The following ICE1 variants were observed in gnomAD, a reference collection of about 807,000 sequenced individuals.
ICE1 encodes the protein little elongation complex subunit 1.
Under a neutral mutation model 192.7 loss-of-function variants are expected in ICE1, and 64 were observed. The ratio of observed to expected loss-of-function variants is 0.33; its 90% confidence interval spans 0.27 to 0.41. The LOEUF is 0.41. Ranked by LOEUF, ICE1 falls within the 10% of genes least tolerant of loss-of-function variation. The pLI is 1.00. For synonymous variants in ICE1, 1,010 were observed against 984.5 expected (o/e 1.03, Z -0.49); for missense variants, 2,708 against 2,696.0 (o/e 1.00, Z -0.10).
chr5:5,434,272 C>T (rs189561670), intron 1 of ICE1, among the ~76,000 whole-genome samples: 3 of 152,216 alleles, frequency 2.0e-5, no homozygotes, highest in Admixed American at 6.5e-5. Context: ...ACAAAGACAC[C>T]TGTTATTACC....
At position 5,468,694 on chromosome 5, in the gene ICE1, C is replaced by T. The variant is rs941665934; in HGVS notation, c.6062-134C>T. On this transcript the variant is annotated intron_variant, in intron 14 of 18. Coordinates refer to ENST00000296564, the MANE Select transcript of ICE1 (RefSeq NM_015325.3). ...GACTGTGACTGGAGCCTCATCTGGG[C>T]TCCCCATTTACAGCTTCCTCCATTG... 1.6e-5 allele frequency: 8 copies of T among 505,324 alleles called. No homozygotes were observed. The East Asian group carries it at 2.1e-4, about 13-fold the overall frequency. 31.3% of individuals were successfully genotyped at this position (505,324 alleles called of 1,614,324 possible).
chr5:5,470,128 GT>G (rs1739115784), intron 15 of ICE1, among the ~76,000 whole-genome samples: 1 of 152,160 alleles, frequency 6.6e-6, no homozygotes, highest in Non-Finnish European at 1.5e-5. Context: ...CCCCAAGAGA[GT>G]TAACTGTTCC....
intron 10 of ICE1, among the ~76,000 whole-genome samples, chr5:5,449,382 C>A (rs1738345905): frequency 1.3e-5 from 2 of 151,610 alleles, no homozygotes; most frequent in Non-Finnish European, 2.9e-5. Flanking sequence ...ATTAGGTTGA[C>A]TTCACTTTAC....
chr5:5,448,179 T>A (rs891290268), intron 10 of ICE1, among the ~76,000 whole-genome samples: 1 of 152,092 alleles, frequency 6.6e-6, no homozygotes, highest in African/African-American at 2.4e-5. Context: ...TGAATACAGA[T>A]TTTTTTCTCT....
At chr5:5,471,867 T>TC (rs1369976094) in intron 15 of ICE1, among the ~76,000 whole-genome samples, 1 of 152,180 alleles carries the variant, frequency 6.6e-6, no homozygotes, top group East Asian at 1.9e-4. Flanking sequence ...TGGTTCCTCC[T>TC]CCAACTTTTT....
Position 5,463,898 on chromosome 5 carries a change from A to C in ICE1, c.4564A>C (p.Ser1522Arg). The change falls in exon 13 of 19, where the codon AGT (serine) becomes CGT (arginine). Residue 1522 changes from serine (S) to arginine (R), a missense_variant. Transcript: ENST00000296564. Reference protein sequence around the residue: ...NRPVKPSIWISSQIYDQNFET... With the variant: ...NRPVKPSIWIRSQIYDQNFET... ...ACCCGTTAAGCCTAGTATATGGATTAGTTCTCAAATCTATGATCAAAACTT... is the reference window on the plus strand; with the variant it reads ...ACCCGTTAAGCCTAGTATATGGATTCGTTCTCAAATCTATGATCAAAACTT... 1.2e-6 allele frequency: 2 copies of C among 1,614,016 alleles called. No individual in the cohort carries two copies. Among genetic ancestry groups the C allele is most frequent in the South Asian group, 1.1e-5 (1 of 91,088 alleles).
At chr5:5,427,741 A>T (rs1737567141) in intron 1 of ICE1, among the ~76,000 whole-genome samples, 1 of 152,206 alleles carries the variant, frequency 6.6e-6, no homozygotes, top group African/African-American at 2.4e-5. Context: ...TTCATTTGCC[A>T]AACACATTTA....
At position 5,489,372 on chromosome 5, in the gene ICE1, T is replaced by C; in HGVS notation, c.*42T>C. 2 of 1,506,860 alleles carry C rather than the reference T, an allele frequency of 1.3e-6. No individual in the cohort carries two copies. The highest frequency in any genetic ancestry group is 2.5e-5 in the South Asian group (2 of 79,236). The allele number at this position is 1,506,860 out of a possible 1,614,324, so 93.3% of individuals were successfully genotyped here. A position where few individuals can be genotyped will look rare whatever the true frequency, so the allele number is the denominator to read the frequency against. Reference sequence around the variant, plus strand: ...GGCTTGAGAAGTGCCTTGACACATTTTGAACACAAATAGTTTGATCAGCTT... The same window carrying C: ...GGCTTGAGAAGTGCCTTGACACATTCTGAACACAAATAGTTTGATCAGCTT... On this transcript the variant is annotated 3_prime_UTR_variant, in exon 19 of 19. Transcript: ENST00000296564.
In ICE1 at chr5:5,440,904, AAAAG is replaced by A. The variant is rs900440112; in HGVS notation, c.198-200_198-197del. On this transcript the variant is annotated intron_variant, in intron 4 of 18. Transcript: ENST00000296564. Reference sequence around the variant, plus strand: ...AGACAGAGTGAGACCCTGACTAACAAAAAGAAAGAAAAGAAAAAAAAAATACTAT... The same window carrying A: ...AGACAGAGTGAGACCCTGACTAACAAAAAGAAAAGAAAAAAAAAATACTAT... 5.3e-5 allele frequency among the ~76,000 whole-genome samples: 8 copies of A among 151,968 alleles called. No homozygotes were observed. The East Asian group carries it at 9.7e-4, about 18-fold the overall frequency.
chr5:5,465,716 C>T (rs569997634), intron 13 of ICE1, among the ~76,000 whole-genome samples: 1 of 152,280 alleles, frequency 6.6e-6, no homozygotes, highest in South Asian at 2.1e-4. Flanking sequence ...GCTTGGATGA[C>T]TTCTAGTGCT....
chr5:5,466,205 T>C (rs1738979018), intron 13 of ICE1, 129 bp from the exon 14 acceptor site: 2 of 763,534 alleles, frequency 2.6e-6, no homozygotes. Context: ...TACTATGCTC[T>C]ACCTTCTGAT....
intron 17 of ICE1, among the ~76,000 whole-genome samples, chr5:5,478,462 A>C (rs530444038): frequency 2.6e-5 from 4 of 152,206 alleles, no homozygotes; most frequent in African/African-American, 9.6e-5. Context: ...AAAAGGACAC[A>C]AATGGAAAAA....
intron 17 of ICE1, among the ~76,000 whole-genome samples, chr5:5,482,029 G>C (rs930557225): frequency 3.3e-5 from 5 of 152,276 alleles, no homozygotes; most frequent in South Asian, 4.1e-4. Flanking sequence ...CTTTCATTTA[G>C]ATGTCACAAA....
intron 17 of ICE1, among the ~76,000 whole-genome samples, chr5:5,484,381 G>A (rs1347101498): frequency 6.6e-6 from 1 of 152,182 alleles, no homozygotes; most frequent in Non-Finnish European, 1.5e-5. Context: ...TACCATAGCT[G>A]TGCTAGATGT....
Position 5,463,111 on chromosome 5 carries a change from GTC to G in ICE1, c.3779_3780del (p.Ser1260Ter). 6.2e-7 allele frequency: 1 copy of G among 1,613,140 alleles called. No individual in the cohort carries two copies. The highest frequency in any genetic ancestry group is 8.5e-7 in the Non-Finnish European group (1 of 1,179,550). ...TCACTCAGTGTTCTTTGGAAACTCTGTCTGAGGTTCTGACCAAGATTAGGCAA... is the reference window on the plus strand; with the variant it reads ...TCACTCAGTGTTCTTTGGAAACTCTGTGAGGTTCTGACCAAGATTAGGCAA... Reference protein sequence around the residue: ...QLTQCSLETLSEVLTKIRQEL... With the variant: ...QLTQCSLETLXEVLTKIRQEL... On this transcript the variant is annotated frameshift_variant, in exon 13 of 19. Coordinates refer to ENST00000296564, the MANE Select transcript of ICE1 (RefSeq NM_015325.3). LOFTEE classifies it high-confidence loss of function.
chr5:5,435,564 T>C (rs944888173), intron 1 of ICE1, among the ~76,000 whole-genome samples: 1 of 151,698 alleles, frequency 6.6e-6, no homozygotes, highest in African/African-American at 2.4e-5. Flanking sequence ...AAGAAAAAAT[T>C]AGCTCATTTT....
At chr5:5,431,904 G>A (rs1269941881) in intron 1 of ICE1, among the ~76,000 whole-genome samples, 1 of 151,610 alleles carries the variant, frequency 6.6e-6, no homozygotes, top group Non-Finnish European at 1.5e-5. Flanking sequence ...TTGGGTATGT[G>A]GGGCCTCTTG....
chr5:5,464,744 A>G lies in ICE1; in HGVS notation c.5410A>G (p.Thr1804Ala), dbSNP rs1409885509. 1 of 1,613,892 alleles carries G rather than the reference A, an allele frequency of 6.2e-7. No homozygotes were observed. The highest frequency in any genetic ancestry group is 2.2e-5 in the East Asian group (1 of 44,870). The part of the protein sequence containing the change: ...IGFKTITSAA[T>A]AFVKTGSSSG... ...ATTCAAAACGATCACTTCAGCAGCAACTGCTTTTGTCAAAACTGGGAGCAG... is the reference window on the plus strand; with the variant it reads ...ATTCAAAACGATCACTTCAGCAGCAGCTGCTTTTGTCAAAACTGGGAGCAG... Residue 1804 changes from threonine (T) to alanine (A), a missense_variant, in exon 13 of 19, where the codon ACT becomes GCT. Coordinates refer to ENST00000296564, the MANE Select transcript of ICE1 (RefSeq NM_015325.3). This position sits in a 1 kb window ranked among gnomAD's most constrained non-coding sequence, Gnocchi z 4.0.
chr5:5,488,186 G>A (rs1210389572), intron 18 of ICE1, among the ~76,000 whole-genome samples: 1 of 152,198 alleles, frequency 6.6e-6, no homozygotes, highest in Non-Finnish European at 1.5e-5. Context: ...AAGAGCTGCA[G>A]TTGTGCCTGC....
Sources: gnomAD v4.1 joint callset for allele counts (sites outside exome capture counted in the v4.1 genomes callset) on GRCh38, gnomAD v4.1.1 for gene constraint, Gnocchi (gnomAD v3.1) non-coding constraint, MANE v1.5 for transcripts, NCBI Gene and HGNC (gene_info 2026-07-23, HGNC 2026-07-21) for gene names.